TMEM50B: variants seen among roughly 807,000 people sequenced by gnomAD.
TMEM50B encodes the protein transmembrane protein 50B.
TMEM50B carries 14 observed loss-of-function variants against 23.4 expected under a neutral mutation model. That is an observed-to-expected ratio of 0.60 (90% CI 0.39 to 0.93). TMEM50B has a LOEUF of 0.93. Ranked by LOEUF, TMEM50B falls within the 40% of genes least tolerant of loss-of-function variation. The pLI, the probability that TMEM50B is intolerant of heterozygous loss-of-function variation, is 0.00. For missense variants in TMEM50B, 159 were observed against 193.0 expected (o/e 0.82, Z 1.04); for synonymous variants, 64 against 62.3 (o/e 1.03, Z -0.13).
downstream of TMEM50B, among the ~76,000 whole-genome samples, chr21:33,448,410 G>A (rs941854735): frequency 5.3e-5 from 8 of 152,162 alleles, no homozygotes; most frequent in Admixed American, 4.6e-4. Context: ...ACTTTGTGAG[G>A]TTGAGGCAGG....
Position 33,450,492 on chromosome 21 carries a change from A to G in TMEM50B, c.*326T>C, listed in dbSNP as rs561286522. The G allele has an allele frequency of 1.0e-5, 2 of 198,464 alleles. No individual in the cohort carries two copies. The highest frequency in any genetic ancestry group is 2.0e-5 in the Non-Finnish European group (2 of 98,480). 12.3% of individuals were successfully genotyped at this position (198,464 alleles called of 1,614,324 possible). The stretch of plus-strand genomic sequence containing the variant: ...ATTACAGGCATGAGCCACCGTGCCC[A>G]GCCAGAGAGACAAGAGTGGTTACTT... On this transcript the variant is annotated 3_prime_UTR_variant, in exon 7 of 7. Coordinates refer to ENST00000542230, the MANE Select transcript of TMEM50B (RefSeq NM_006134.7).
chr21:33,479,882 G>A lies in TMEM50B; in HGVS notation c.-86C>T, dbSNP rs1269018687. The A allele has an allele frequency of 1.3e-5, 2 of 152,406 alleles. No homozygotes were observed. Among genetic ancestry groups the A allele is most frequent in the African/African-American group, 4.8e-5 (2 of 41,578 alleles). 9.4% of individuals were successfully genotyped at this position (152,406 alleles called of 1,614,324 possible). Reference sequence around the variant, plus strand: ...ACGCCGACTTCAGGCGCGCGCGCAGGAAGGAGACTGCTGCGCCACAACCCT... The same window carrying A: ...ACGCCGACTTCAGGCGCGCGCGCAGAAAGGAGACTGCTGCGCCACAACCCT... On this transcript the variant is annotated 5_prime_UTR_variant, in exon 1 of 7. Transcript: ENST00000542230.
chr21:33,461,798 G>A (rs2084219224), intron 4 of TMEM50B, among the ~76,000 whole-genome samples: 1 of 141,148 alleles, frequency 7.1e-6, no homozygotes, highest in Non-Finnish European at 1.6e-5. Context: ...AAGCAAAACT[G>A]TTTCAAAAAA....
chr21:33,467,228 A>C, intron 2 of TMEM50B, 106 bp from the exon 3 acceptor site: 1 of 947,588 alleles, frequency 1.1e-6, no homozygotes, highest in East Asian at 2.6e-5. Context: ...GGCTGGGTAC[A>C]GAGGCTCACG....
At chr21:33,436,284 G>A (rs957953969) in intron 8 of TMEM50B, among the ~76,000 whole-genome samples, 11 of 150,840 alleles carry the variant, frequency 7.3e-5, no homozygotes, top group Admixed American at 6.0e-4. Flanking sequence ...AGATGAGATC[G>A]TGTCATTGCA....
intron 4 of TMEM50B, among the ~76,000 whole-genome samples, chr21:33,464,804 CA>C (rs59855166): frequency 2.6e-4 from 26 of 100,894 alleles, no homozygotes; most frequent in Non-Finnish European, 4.0e-4. Flanking sequence ...AACTCCGTCT[CA>C]AAAAAAAAAA....
chr21:33,477,020 G>A (rs1159987923), intron 1 of TMEM50B, among the ~76,000 whole-genome samples: 7 of 151,740 alleles, frequency 4.6e-5, no homozygotes, highest in Non-Finnish European at 7.4e-5. Flanking sequence ...AGGCAAGTTG[G>A]CTGGGCAGGA....
At position 33,479,078 on chromosome 21, in the gene TMEM50B, C is replaced by G. The variant is rs542945298; in HGVS notation, c.-42+760G>C. 262 of 299,356 alleles carry G rather than the reference C, an allele frequency of 8.8e-4. 1 individual carries two copies. Among genetic ancestry groups the G allele is most frequent in the African/African-American group, 5.1e-3 (233 of 45,458 alleles). The allele number at this position is 299,356 out of a possible 1,614,324, so 18.5% of individuals were successfully genotyped here. On this transcript the variant is annotated intron_variant, in intron 1 of 6. Transcript: ENST00000542230. ...GAGCAGCCCAGCCTAGCCCGTCTCA[C>G]TGCTTTGGTTTTGAAAGGTCACGTA...
Position 33,432,794 on chromosome 21 carries a change from T to C in TMEM50B, c.*2129A>G, listed in dbSNP as rs2123370275. ...GTCGGTGCTGGCAGGAGCCTGTTTC[T>C]TCCTGGTCCTGAAATATAGAGGCCT... is the stretch of plus-strand genomic sequence containing the variant. On this transcript the variant is annotated 3_prime_UTR_variant and NMD_transcript_variant, in exon 9 of 9. Transcript: ENST00000420455. 1.2e-6 allele frequency: 2 copies of C among 1,613,990 alleles called. No individual in the cohort carries two copies. Among genetic ancestry groups the C allele is most frequent in the Non-Finnish European group, 1.7e-6 (2 of 1,179,874 alleles).
downstream of TMEM50B, among the ~76,000 whole-genome samples, chr21:33,445,798 G>GA (rs924679523): frequency 1.0e-4 from 15 of 150,170 alleles, no homozygotes; most frequent in East Asian, 1.4e-3. Flanking sequence ...AAAAAAAAAG[G>GA]AAAAAAAAAG....
chr21:33,443,927 G>A (rs932002640), intron 7 of TMEM50B, among the ~76,000 whole-genome samples: 1 of 152,150 alleles, frequency 6.6e-6, no homozygotes, highest in African/African-American at 2.4e-5. Context: ...TTTTTACAGA[G>A]TTTCGCTCTG....
chr21:33,454,141 T>G (rs1298502843), intron 6 of TMEM50B, among the ~76,000 whole-genome samples: 1 of 149,760 alleles, frequency 6.7e-6, no homozygotes, highest in African/African-American at 2.4e-5. Flanking sequence ...CTAAAAAGCA[T>G]AGAATGGACT....
chr21:33,470,540 G>A (rs1476919774), intron 1 of TMEM50B, among the ~76,000 whole-genome samples: 1 of 151,370 alleles, frequency 6.6e-6, no homozygotes. Context: ...GACCATCCTG[G>A]CTAACATGGT....
At chr21:33,473,457 G>GAAAAAAA (rs35814774) in intron 1 of TMEM50B, among the ~76,000 whole-genome samples, 1 of 84,850 alleles carries the variant, frequency 1.2e-5, no homozygotes, top group Non-Finnish European at 2.2e-5. Flanking sequence ...TGTCTCGGAA[G>GAAAAAAA]AAAAAAAAAA....
At chr21:33,448,104 C>A (rs960867474), downstream of TMEM50B, among the ~76,000 whole-genome samples, 1 of 151,890 alleles carries the variant, frequency 6.6e-6, no homozygotes, top group Non-Finnish European at 1.5e-5. Flanking sequence ...GCAATTCTCC[C>A]TGCCTCAGCC....
intron 1 of TMEM50B, among the ~76,000 whole-genome samples, chr21:33,476,016 C>T (rs1044141851): frequency 1.3e-5 from 2 of 152,190 alleles, no homozygotes; most frequent in Non-Finnish European, 1.5e-5. Context: ...TTAAGGTCAA[C>T]ACCACTTCGT....
In TMEM50B at chr21:33,450,845, A is replaced by G; in HGVS notation, c.450T>C (p.Phe150=). 6.2e-7 allele frequency: 1 copy of G among 1,613,326 alleles called. No individual in the cohort carries two copies. The change falls in exon 7 of 7, where the codon TTT becomes TTC. Residue 150 remains phenylalanine (F), a synonymous_variant. Coordinates refer to ENST00000542230, the MANE Select transcript of TMEM50B (RefSeq NM_006134.7). ...AGGTCCATAGCTCTTCGGTTCTTCCAAATTTGTAGATCAGAGTGCTAGAAA... is the reference window on the plus strand; with the variant it reads ...AGGTCCATAGCTCTTCGGTTCTTCCGAATTTGTAGATCAGAGTGCTAGAAA... ...LIFFSTLIYK[F]GRTEELWT
At chr21:33,463,520 G>A (rs1158645701) in intron 4 of TMEM50B, among the ~76,000 whole-genome samples, 2 of 152,114 alleles carry the variant, frequency 1.3e-5, no homozygotes, top group African/African-American at 2.4e-5. Context: ...GAACTTTTTG[G>A]GGCAATGGAA....
chr21:33,461,017 TTCAAGA>T (rs2084212562), intron 4 of TMEM50B, among the ~76,000 whole-genome samples: 1 of 152,204 alleles, frequency 6.6e-6, no homozygotes, highest in Admixed American at 6.6e-5. Flanking sequence ...TCATGAAAAC[TTCAAGA>T]TCAGAAGTAT....
Sources: allele counts gnomAD v4.1 joint callset (sites outside exome capture counted in the v4.1 genomes callset), GRCh38; gene constraint gnomAD v4.1.1; transcripts MANE v1.5; gene names NCBI Gene and HGNC (gene_info 2026-07-23, HGNC 2026-07-21).